The following HERC1 variants were observed in gnomAD, a reference collection of about 807,000 sequenced individuals.
The protein encoded by HERC1 is probable E3 ubiquitin-protein ligase HERC1.
A neutral mutation model predicts 554.3 loss-of-function variants in HERC1; 160 were observed. The observed-to-expected ratio is 0.29, with a 90% CI of 0.25 to 0.33. HERC1 has a LOEUF of 0.33. Ranked by LOEUF, HERC1 falls within the 10% of genes least tolerant of loss-of-function variation. HERC1 has a pLI of 1.00. For synonymous variants in HERC1, 2,175 were observed against 2,131.7 expected, an observed-to-expected ratio of 1.02 and a Z score of -0.56; for missense variants, 4,919 against 5,918.5, an observed-to-expected ratio of 0.83 and a Z score of 5.54.
Position 63,615,792 on chromosome 15 carries a change from A to G in HERC1, c.14070T>C (p.Tyr4690=), listed in dbSNP as rs1408238515. 6.3e-7 allele frequency: 1 copy of G among 1,599,566 alleles called. No homozygotes were observed. The highest frequency in any genetic ancestry group is 8.5e-7 in the Non-Finnish European group (1 of 1,175,296). ...RKEYVERAIE[Y]RLHEMDRQVA... ...CCTGTCTGTCCATCTCATGAAGTCGATATTCAATGGCCCTCTCCACATATT... is the reference window on the plus strand; with the variant it reads ...CCTGTCTGTCCATCTCATGAAGTCGGTATTCAATGGCCCTCTCCACATATT... The change falls in exon 76 of 78, where the codon TAT becomes TAC. Residue 4690 remains tyrosine (Y), a synonymous_variant. Coordinates refer to ENST00000443617, the MANE Select transcript of HERC1 (RefSeq NM_003922.4).
At chr15:63,708,556 A>C (rs1293477209) in intron 24 of HERC1, among the ~76,000 whole-genome samples, 2 of 152,234 alleles carry the variant, frequency 1.3e-5, no homozygotes, top group Non-Finnish European at 2.9e-5. Flanking sequence ...AGTAAAAATG[A>C]CACCTGTCAA....
intron 12 of HERC1, among the ~76,000 whole-genome samples, chr15:63,742,468 A>G (rs892821742): frequency 2.0e-5 from 3 of 152,152 alleles, no homozygotes; most frequent in Non-Finnish European, 4.4e-5. Context: ...TTCAATCTAC[A>G]TGAGTTTTAT....
intron 3 of HERC1, among the ~76,000 whole-genome samples, chr15:63,762,763 C>T (rs2075652411): frequency 6.6e-6 from 1 of 152,106 alleles, no homozygotes; most frequent in Non-Finnish European, 1.5e-5. Context: ...TAAACTGTAG[C>T]AGAGTAATCA....
intron 1 of HERC1, among the ~76,000 whole-genome samples, chr15:63,802,039 C>G (rs2077005807): frequency 6.6e-6 from 1 of 152,156 alleles, no homozygotes; most frequent in African/African-American, 2.4e-5. Context: ...CTTAGAGAAT[C>G]ATAAGAGAAA....
chr15:63,815,917 G>C (rs1329369111), intron 1 of HERC1, among the ~76,000 whole-genome samples: 1 of 152,094 alleles, frequency 6.6e-6, no homozygotes, highest in Non-Finnish European at 1.5e-5. Context: ...CCTAGCAAAA[G>C]GGGGGAAAGC....
intron 1 of HERC1, among the ~76,000 whole-genome samples, chr15:63,814,524 A>T (rs1016943900): frequency 1.3e-5 from 2 of 152,166 alleles, no homozygotes; most frequent in African/African-American, 4.8e-5. Context: ...CAGTGACACA[A>T]TAGCTCACCA....
At position 63,628,800 on chromosome 15, in the gene HERC1, T is replaced by C. The variant is rs774606926; in HGVS notation, c.12982A>G (p.Thr4328Ala). 5 of 1,613,808 alleles carry C rather than the reference T, an allele frequency of 3.1e-6. No homozygotes were observed. Among genetic ancestry groups the C allele is most frequent in the Non-Finnish European group, 4.2e-6 (5 of 1,179,854 alleles). The change falls in exon 70 of 78, where the codon ACC becomes GCC. Residue 4328 changes from threonine (T) to alanine (A), a missense_variant. Physicochemically the swap from Thr to Ala is moderately conservative, Grantham distance 58. Transcript: ENST00000443617. ...NSEGQLGLGH[T>A]NHVREPTLVT... Reference sequence around the variant, plus strand: ...AGGGTTGGTTCTCGAACATGGTTGGTATGGCCTAAGCCGAGCTGGGAATAA... The same window carrying C: ...AGGGTTGGTTCTCGAACATGGTTGGCATGGCCTAAGCCGAGCTGGGAATAA...
At chr15:63,631,634 G>T (rs754248820) in intron 68 of HERC1, among the ~76,000 whole-genome samples, 1 of 152,178 alleles carries the variant, frequency 6.6e-6, no homozygotes, top group Non-Finnish European at 1.5e-5. Context: ...CTGCCTTCCA[G>T]GTTCAAGCAA....
At chr15:63,736,120 T>C (rs1219511277) in intron 12 of HERC1, among the ~76,000 whole-genome samples, 3 of 151,892 alleles carry the variant, frequency 2.0e-5, no homozygotes, top group Non-Finnish European at 4.4e-5. Context: ...AGACAAAGGG[T>C]AACTGACTTA....
At chr15:63,706,662 C>G (rs1160913564) in intron 25 of HERC1, 118 bp downstream of exon 25, 6 of 495,844 alleles carry the variant, frequency 1.2e-5, no homozygotes, top group Non-Finnish European at 1.7e-5. Context: ...CAAAGACAAT[C>G]ATATCTAAAT....
Position 63,733,104 on chromosome 15 carries a change from A to G in HERC1, c.2688T>C (p.His896=). The change falls in exon 14 of 78, where the codon CAT becomes CAC. Residue 896 remains histidine, a synonymous_variant. Transcript: ENST00000443617. ...LDIILTSLQD[H]THVASLLGYS... is the part of the protein sequence containing the mutation. ...AGCCAAGTAGGGAGGCTACGTGGGT[A>G]TGATCTTGCAAACTTGTCAGGATGA... The G allele has an allele frequency of 1.9e-6, 3 of 1,613,918 alleles. No homozygotes were observed. The highest frequency in any genetic ancestry group is 2.5e-6 in the Non-Finnish European group (3 of 1,179,804).
At chr15:63,827,465 C>G (rs1265416258) in intron 1 of HERC1, among the ~76,000 whole-genome samples, 1 of 151,186 alleles carries the variant, frequency 6.6e-6, no homozygotes, top group African/African-American at 2.4e-5. Context: ...AATATCTCTT[C>G]AAAAGAATGA....
intron 12 of HERC1, among the ~76,000 whole-genome samples, chr15:63,746,203 T>A (rs778598220): frequency 6.6e-6 from 1 of 152,070 alleles, no homozygotes; most frequent in Non-Finnish European, 1.5e-5. Context: ...TAGCTGCATT[T>A]CATGAGTTTT....
intron 34 of HERC1, among the ~76,000 whole-genome samples, chr15:63,685,581 G>C (rs1262648225): frequency 6.6e-6 from 1 of 152,234 alleles, no homozygotes; most frequent in Non-Finnish European, 1.5e-5. Flanking sequence ...AGATAGACCT[G>C]TTGGTTAATG....
rs369826618 is a variant in HERC1 at position 63,643,040 on chromosome 15, T to A, written c.11350A>T (p.Thr3784Ser). 51 of 1,611,468 alleles carry A rather than the reference T, an allele frequency of 3.2e-5. No individual in the cohort carries two copies. The highest frequency in any genetic ancestry group is 4.2e-5 in the Non-Finnish European group (49 of 1,178,178). The change falls in exon 59 of 78, where the codon ACT becomes TCT. Residue 3784 changes from threonine to serine, a missense_variant. Physicochemically the swap from Thr to Ser is moderately conservative, Grantham distance 58 (BLOSUM62 1). Transcript: ENST00000443617. Reference protein sequence around the residue: ...WSLRDGSVLQTVVIGSGAIQT... With the variant: ...WSLRDGSVLQSVVIGSGAIQT... ...ATAGCTCCAGAGCCTATCACAACAG[T>A]TTGCAAGACAGAGCCATCCTAAAAT...
intron 12 of HERC1, among the ~76,000 whole-genome samples, chr15:63,745,183 T>C (rs2075010717): frequency 2.0e-5 from 3 of 152,290 alleles, no homozygotes; most frequent in East Asian, 1.9e-4. Context: ...GGGGTCTCTC[T>C]TGGAGCCACG....
At chr15:63,778,178 T>C (rs1280350895) in intron 1 of HERC1, among the ~76,000 whole-genome samples, 2 of 152,206 alleles carry the variant, frequency 1.3e-5, no homozygotes, top group African/African-American at 4.8e-5. Context: ...CCAGGGTACA[T>C]GCTTTCACCT....
chr15:63,654,496 T>C (rs1048225173), intron 50 of HERC1, among the ~76,000 whole-genome samples, 172 bp from the exon 51 acceptor site: 5 of 152,214 alleles, frequency 3.3e-5, no homozygotes, highest in East Asian at 1.9e-4. Context: ...CACTAAAATA[T>C]GCACACAAGA....
intron 42 of HERC1, among the ~76,000 whole-genome samples, chr15:63,665,336 G>A (rs1014504994): frequency 2.0e-5 from 3 of 152,170 alleles, no homozygotes; most frequent in Non-Finnish European, 4.4e-5. Flanking sequence ...GTTCGAGACC[G>A]TCCTGGCCAA....
Sources: gnomAD v4.1 joint callset for allele counts (sites outside exome capture counted in the v4.1 genomes callset) on GRCh38, gnomAD v4.1.1 for gene constraint, MANE v1.5 for transcripts, NCBI Gene and HGNC (gene_info 2026-07-23, HGNC 2026-07-21) for gene names.